Variants in AVPR1A observed in about 807,000 individuals in gnomAD.
The protein encoded by AVPR1A is vasopressin V1a receptor.
AVPR1A carries 31 observed loss-of-function variants against 31.5 expected under a neutral mutation model. That is an observed-to-expected ratio of 0.99 (90% CI 0.74 to 1.33). The LOEUF (loss-of-function observed/expected upper bound fraction) is 1.33. AVPR1A is among the 40% of genes most tolerant of loss of function. The pLI is 0.00. For missense variants in AVPR1A, 570 were observed against 575.2 expected, an observed-to-expected ratio of 0.99 and a Z score of 0.09; for synonymous variants, 243 against 233.2, an observed-to-expected ratio of 1.04 and a Z score of -0.38.
chr12:63,147,488 T>C lies in AVPR1A; in HGVS notation c.1128A>G (p.Glu376=), dbSNP rs1868375843. 4 of 1,614,052 alleles carry C rather than the reference T, an allele frequency of 2.5e-6. No individual in the cohort carries two copies. The highest frequency in any genetic ancestry group is 2.5e-6 in the Non-Finnish European group (3 of 1,180,014). Residue 376 remains glutamate, a synonymous_variant, in exon 2 of 2, where the codon GAA becomes GAG. Coordinates refer to ENST00000299178, the MANE Select transcript of AVPR1A (RefSeq NM_000706.5). ...CQNMKEKFNK[E]DTDSMSRRQT... ...GTCTTCTGCTCATACTGTCAGTATC[T>C]TCTTTGTTGAATTTTTCCTTCATGT... is the stretch of plus-strand genomic sequence containing the variant.
chr12:63,144,941 G>T lies in AVPR1A; in HGVS notation c.*2418C>A, dbSNP rs774596522. ...TCAAATTGAATTGTTTTGCTTGGGG[G>T]TACATATCAACATTTTGAAGCAAGA... On this transcript the variant is annotated 3_prime_UTR_variant, in exon 2 of 2. Transcript: ENST00000299178. The T allele has an allele frequency of 6.5e-6, 1 of 152,716 alleles. No homozygotes were observed. Among genetic ancestry groups the T allele is most frequent in the Admixed American group, 6.5e-5 (1 of 15,348 alleles). The allele number at this position is 152,716 out of a possible 1,614,324, so 9.5% of individuals were successfully genotyped here.
At position 63,143,261 on chromosome 12, in the gene AVPR1A, G is replaced by C. The variant is rs932562814; in HGVS notation, c.*4098C>G. On this transcript the variant is annotated 3_prime_UTR_variant, in exon 2 of 2. Coordinates refer to ENST00000299178, the MANE Select transcript of AVPR1A (RefSeq NM_000706.5). ...TATTTCATTCATTTTATAATACTTT[G>C]TTTTAATTATTATTTAGAACATAAA... The C allele has an allele frequency of 4.6e-5, 7 of 151,660 alleles. No individual in the cohort carries two copies. The highest frequency in any genetic ancestry group is 1.5e-4 in the African/African-American group (6 of 41,310). 9.4% of individuals were successfully genotyped at this position (151,660 alleles called of 1,614,324 possible).
rs1868373852 is a variant in AVPR1A, at chr12:63,147,411, T to C, written c.1205A>G (p.Lys402Arg). 1.2e-6 allele frequency: 2 copies of C among 1,614,150 alleles called. No individual in the cohort carries two copies. The change falls in exon 2 of 2, where the codon AAG (lysine) becomes AGG (arginine). Residue 402 changes from lysine to arginine, a missense_variant. Coordinates refer to ENST00000299178, the MANE Select transcript of AVPR1A (RefSeq NM_000706.5). ...RSPTNSTGMW[K>R]DSPKSSKSIK... The stretch of plus-strand genomic sequence containing the variant: ...GGACTTGGAAGATTTAGGCGAGTCC[T>C]TCCACATACCCGTACTGTTTGTTGG...
At position 63,143,688 on chromosome 12, in the gene AVPR1A, G is replaced by A. The variant is rs1026976730; in HGVS notation, c.*3671C>T. 1.3e-5 allele frequency: 2 copies of A among 152,200 alleles called. No homozygotes were observed. The highest frequency in any genetic ancestry group is 1.9e-4 in the East Asian group (1 of 5,192). The allele number at this position is 152,200 out of a possible 1,614,324, so 9.4% of individuals were successfully genotyped here. On this transcript the variant is annotated 3_prime_UTR_variant, in exon 2 of 2. Coordinates refer to ENST00000299178, the MANE Select transcript of AVPR1A (RefSeq NM_000706.5). ...GTAGTACCAAAAGGGCTGGATGGAG[G>A]GGGTGGGCAGGGATACAGTGGCTGC... is the stretch of plus-strand genomic sequence containing the variant.
chr12:63,148,915 T>C lies in AVPR1A; in HGVS notation c.970+952A>G, dbSNP rs544002124. Among the ~76,000 whole-genome samples, 3 of 152,264 alleles carry C rather than the reference T, an allele frequency of 2.0e-5. No individual in the cohort carries two copies. The South Asian group carries it at 6.2e-4, about 32-fold the overall frequency. On this transcript the variant is annotated intron_variant, in intron 1 of 1. Transcript: ENST00000299178. ...TAACAACTGTACCATTGAATTTATT[T>C]GGTTTGAGTTCCGACAAGCACTGGA...
In AVPR1A at chr12:63,150,044, C is replaced by T; in HGVS notation, c.793G>A (p.Ala265Thr). The T allele has an allele frequency of 6.2e-7, 1 of 1,614,132 alleles. No individual in the cohort carries two copies. Residue 265 changes from alanine (A) to threonine (T), a missense_variant, in exon 1 of 2, where the codon GCC becomes ACC. Ala to Thr is a moderately conservative substitution (Grantham distance 58). Coordinates refer to ENST00000299178, the MANE Select transcript of AVPR1A (RefSeq NM_000706.5). The surrounding 1 kb of genome is among the most constrained non-coding windows in gnomAD (Gnocchi z 4.9). Reference sequence around the variant, plus strand: ...GCGAGCAGGAACCCCTTTTGGAAGGCCACACCCGCTTGCTCTGCACCCTTG... The same window carrying T: ...GCGAGCAGGAACCCCTTTTGGAAGGTCACACCCGCTTGCTCTGCACCCTTG... ...QSKGAEQAGV[A>T]FQKGFLLAPC...
Position 63,147,505 on chromosome 12 carries a change from C to A in AVPR1A, c.1111G>T (p.Glu371Ter). 1 of 1,614,096 alleles carries A rather than the reference C, an allele frequency of 6.2e-7. No individual in the cohort carries two copies. Among genetic ancestry groups the A allele is most frequent in the Non-Finnish European group, 8.5e-7 (1 of 1,179,988 alleles). The stretch of plus-strand genomic sequence containing the variant: ...TCAGTATCTTCTTTGTTGAATTTTT[C>A]CTTCATGTTTTGGCAGCATGGGAAG... ...QSFPCCQNMK[E>*]KFNKEDTDSM... The change falls in exon 2 of 2, where the codon GAA becomes TAA. Residue 371 changes from glutamate to a stop codon, truncating the protein, a stop_gained. Coordinates refer to ENST00000299178, the MANE Select transcript of AVPR1A (RefSeq NM_000706.5). LOFTEE classifies it high-confidence loss of function.
chr12:63,150,727 T>C lies in AVPR1A; in HGVS notation c.110A>G (p.Glu37Gly). Residue 37 changes from glutamate (E) to glycine (G), a missense_variant, in exon 1 of 2, where the codon GAG (glutamate) becomes GGG (glycine). Physicochemically the swap from Glu to Gly is moderately conservative, Grantham distance 98. Transcript: ENST00000299178. The surrounding 1 kb of genome is among the most constrained non-coding windows in gnomAD (Gnocchi z 4.9). ...CACGTCCCTCGGTGGGCCGTTGCCC[T>C]CCCCGAGGGCTTCGGCCTCCCGGCT... is the stretch of plus-strand genomic sequence containing the variant. ...NTSREAEALG[E>G]GNGPPRDVRN... 1 of 1,603,226 alleles carries C rather than the reference T, an allele frequency of 6.2e-7. No homozygotes were observed.
rs1425052747 is a variant in AVPR1A at position 63,144,644 on chromosome 12, C to T, written c.*2715G>A. The T allele has an allele frequency of 6.6e-6, 1 of 152,154 alleles. No homozygotes were observed. The highest frequency in any genetic ancestry group is 1.5e-5 in the Non-Finnish European group (1 of 68,032). The allele number at this position is 152,154 out of a possible 1,614,324, so 9.4% of individuals were successfully genotyped here. A position where few individuals can be genotyped will look rare whatever the true frequency, so the allele number is the denominator to read the frequency against. On this transcript the variant is annotated 3_prime_UTR_variant, in exon 2 of 2. Transcript: ENST00000299178. ...TCTGAAACAGACAGGCAGGTAGATT[C>T]CTTCCAATCTGAAATATTGTTTTGA... is the stretch of plus-strand genomic sequence containing the variant.
rs1297724175 is a variant in AVPR1A at position 63,143,439 on chromosome 12, T to C, written c.*3920A>G. 3 of 152,220 alleles carry C rather than the reference T, an allele frequency of 2.0e-5. No individual in the cohort carries two copies. Among genetic ancestry groups the C allele is most frequent in the Admixed American group, 6.5e-5 (1 of 15,272 alleles). 9.4% of individuals were successfully genotyped at this position (152,220 alleles called of 1,614,324 possible). On this transcript the variant is annotated 3_prime_UTR_variant, in exon 2 of 2. Coordinates refer to ENST00000299178, the MANE Select transcript of AVPR1A (RefSeq NM_000706.5). Reference sequence around the variant, plus strand: ...TAACTTAGTATGCCTAATAATTATGTTAAAACAATATTCTTAAAATGCTTA... The same window carrying C: ...TAACTTAGTATGCCTAATAATTATGCTAAAACAATATTCTTAAAATGCTTA...
At position 63,150,062 on chromosome 12, in the gene AVPR1A, C is replaced by T. The variant is rs762727489; in HGVS notation, c.775G>A (p.Ala259Thr). 3 of 1,614,152 alleles carry T rather than the reference C, an allele frequency of 1.9e-6. No individual in the cohort carries two copies. The Admixed American group carries it at 5.0e-5, about 27-fold the overall frequency. ...TGGAAGGCCACACCCGCTTGCTCTG[C>T]ACCCTTGCTCTGGCGCGACGCCGTC... ...GKTASRQSKG[A>T]EQAGVAFQKG... Residue 259 changes from alanine (A) to threonine (T), a missense_variant, in exon 1 of 2, where the codon GCA (alanine) becomes ACA (threonine). By Grantham distance (58) the Ala-to-Thr change is moderately conservative. Transcript: ENST00000299178. The surrounding 1 kb of genome is among the most constrained non-coding windows in gnomAD (Gnocchi z 4.9).
In AVPR1A at chr12:63,150,608, G is replaced by A. The variant is rs201500135; in HGVS notation, c.229C>T (p.His77Tyr). The A allele has an allele frequency of 2.8e-4, 446 of 1,610,002 alleles. No individual in the cohort carries two copies. The highest frequency in any genetic ancestry group is 1.4e-5 in the Non-Finnish European group (16 of 1,179,854). Residue 77 changes from histidine to tyrosine, a missense_variant, in exon 1 of 2, where the codon CAC (histidine) becomes TAC (tyrosine). Coordinates refer to ENST00000299178, the MANE Select transcript of AVPR1A (RefSeq NM_000706.5). This position sits in a 1 kb window ranked among gnomAD's most constrained non-coding sequence, Gnocchi z 4.9. ...LGNSSVLLAL[H>Y]RTPRKTSRMH... is the part of the protein sequence containing the mutation. ...CGGGACGTCTTGCGCGGCGTCCGGT[G>A]CAGAGCCAGCAGTACGCTGCTGTTG...
rs1868367601 is a variant in AVPR1A at position 63,146,975 on chromosome 12, CTT to C, written c.*382_*383del. The stretch of plus-strand genomic sequence containing the variant: ...AATATTAAGACTGATGATGAGCTCT[CTT>C]TGTTCAGAAATAGTGCCGCATTTTA... On this transcript the variant is annotated 3_prime_UTR_variant, in exon 2 of 2. Coordinates refer to ENST00000299178, the MANE Select transcript of AVPR1A (RefSeq NM_000706.5). 1 of 184,964 alleles carries C rather than the reference CTT, an allele frequency of 5.4e-6. No homozygotes were observed. Among genetic ancestry groups the C allele is most frequent in the Admixed American group, 5.4e-5 (1 of 18,508 alleles). The allele number at this position is 184,964 out of a possible 1,614,324, so 11.5% of individuals were successfully genotyped here.
In AVPR1A at chr12:63,150,641, C is replaced by T. The variant is rs747069794; in HGVS notation, c.196G>A (p.Val66Met). ...AVLAVTFAVA[V>M]LGNSSVLLAL... ...AGCAGTACGCTGCTGTTGCCCAGCA[C>T]GGCCACCGCGAAAGTCACCGCCAGC... The change falls in exon 1 of 2, where the codon GTG becomes ATG. Residue 66 changes from valine (V) to methionine (M), a missense_variant. Physicochemically the swap from Val to Met is conservative, Grantham distance 21. Coordinates refer to ENST00000299178, the MANE Select transcript of AVPR1A (RefSeq NM_000706.5). This position sits in a 1 kb window ranked among gnomAD's most constrained non-coding sequence, Gnocchi z 4.9. The T allele has an allele frequency of 2.0e-5, 32 of 1,609,200 alleles. No individual in the cohort carries two copies. In the African/African-American group the frequency reaches 2.4e-4, roughly 12 times the overall value.
Position 63,147,567 on chromosome 12 carries a change from A to C in AVPR1A, c.1049T>G (p.Phe350Cys), listed in dbSNP as rs1360382211. The change falls in exon 2 of 2, where the codon TTT becomes TGT. Residue 350 changes from phenylalanine to cysteine, a missense_variant. By Grantham distance (205) the Phe-to-Cys change is radical. Coordinates refer to ENST00000299178, the MANE Select transcript of AVPR1A (RefSeq NM_000706.5). ...GTCTTGAAGGAGATGGCCACTAAAA[A>C]ACATGTATATCCAGGGATTACAGCA... is the stretch of plus-strand genomic sequence containing the variant. Reference protein sequence around the residue: ...NSCCNPWIYMFFSGHLLQDCV... With the variant: ...NSCCNPWIYMCFSGHLLQDCV... 2 of 1,614,064 alleles carry C rather than the reference A, an allele frequency of 1.2e-6. No individual in the cohort carries two copies. Among genetic ancestry groups the C allele is most frequent in the African/African-American group, 2.7e-5 (2 of 74,930 alleles).
In AVPR1A at chr12:63,146,033, A is replaced by T. The variant is rs1565877770; in HGVS notation, c.*1326T>A. On this transcript the variant is annotated 3_prime_UTR_variant, in exon 2 of 2. Transcript: ENST00000299178. ...GTTAATGAAAAATAAACTGGAAAAC[A>T]TCTGTGCAATTTTGGAGATCCCAAG... 6.6e-6 allele frequency: 1 copy of T among 152,262 alleles called. No individual in the cohort carries two copies. The highest frequency in any genetic ancestry group is 1.5e-5 in the Non-Finnish European group (1 of 68,066). 9.4% of individuals were successfully genotyped at this position (152,262 alleles called of 1,614,324 possible).
chr12:63,149,777 C>A, intron 1 of AVPR1A, 90 bp downstream of exon 1: 2 of 1,088,112 alleles, frequency 1.8e-6, no homozygotes, highest in Non-Finnish European at 1.2e-6. Context: ...TTTTTTCTCT[C>A]TCTCTCTCTC....
rs895293035 is a variant in AVPR1A, at chr12:63,145,960, T to G, written c.*1399A>C. On this transcript the variant is annotated 3_prime_UTR_variant, in exon 2 of 2. Transcript: ENST00000299178. ...TTGTCCAATGAATCAGCGATCTATA[T>G]TTAAATTTTAGGATTTTATATCCCA... The G allele has an allele frequency of 6.6e-6, 1 of 152,226 alleles. No homozygotes were observed. The highest frequency in any genetic ancestry group is 2.4e-5 in the African/African-American group (1 of 41,444). The allele number at this position is 152,226 out of a possible 1,614,324, so 9.4% of individuals were successfully genotyped here.
rs868850167 is a variant in AVPR1A at position 63,150,542 on chromosome 12, C to G, written c.295G>C (p.Ala99Pro). The G allele has an allele frequency of 5.0e-6, 8 of 1,612,938 alleles. No individual in the cohort carries two copies. Among genetic ancestry groups the G allele is most frequent in the Middle Eastern group, 1.7e-4 (1 of 6,060 alleles). The stretch of plus-strand genomic sequence containing the variant: ...GGCAGCACCTGGAAGAATGCCACGG[C>G]CAGGTCGGCCAGGCTGAGGTGTCGG... ...FIRHLSLADL[A>P]VAFFQVLPQM... Residue 99 changes from alanine to proline, a missense_variant, in exon 1 of 2, where the codon GCC becomes CCC. Transcript: ENST00000299178. This position sits in a 1 kb window ranked among gnomAD's most constrained non-coding sequence, Gnocchi z 4.9.
Sources: allele counts gnomAD v4.1 joint callset (sites outside exome capture counted in the v4.1 genomes callset), GRCh38; gene constraint gnomAD v4.1.1; non-coding constraint Gnocchi (gnomAD v3.1); transcripts MANE v1.5; gene names NCBI Gene and HGNC (gene_info 2026-07-23, HGNC 2026-07-21).